FRZB: variants seen among roughly 807,000 people sequenced by gnomAD.
The protein encoded by FRZB is secreted frizzled-related protein 3.
FRZB carries 34 observed loss-of-function variants against 32.5 expected under a neutral mutation model. That is an observed-to-expected ratio of 1.05 (90% CI 0.80 to 1.39). FRZB has a LOEUF of 1.39. FRZB is among the 40% of genes most tolerant of loss of function. FRZB has a pLI of 0.00. For missense variants in FRZB, 423 were observed against 424.8 expected, an observed-to-expected ratio of 1.00 and a Z score of 0.04; for synonymous variants, 170 against 159.2, an observed-to-expected ratio of 1.07 and a Z score of -0.51.
In FRZB at chr2:182,834,838, T is replaced by C. The variant is rs1035315656; in HGVS notation, c.*11A>G. The C allele has an allele frequency of 1.9e-6, 3 of 1,596,698 alleles. No homozygotes were observed. Among genetic ancestry groups the C allele is most frequent in the Non-Finnish European group, 1.7e-6 (2 of 1,164,566 alleles). The stretch of plus-strand genomic sequence containing the variant: ...AGGAAGTCCACTGTGTTACTTTTTG[T>C]ATTTCGGGATTTAGTTGCGTGCTTG... On this transcript the variant is annotated 3_prime_UTR_variant, in exon 6 of 6. Transcript: ENST00000295113.
At chr2:182,839,115 G>C (rs1695559507) in intron 3 of FRZB, among the ~76,000 whole-genome samples, 1 of 152,028 alleles carries the variant, frequency 6.6e-6, no homozygotes, top group Non-Finnish European at 1.5e-5. Context: ...GTGGGCCTCT[G>C]TAATGTTATA....
intron 2 of FRZB, among the ~76,000 whole-genome samples, chr2:182,849,429 A>AT (rs573899755): frequency 3.3e-5 from 5 of 152,048 alleles, no homozygotes; most frequent in African/African-American, 9.7e-5. Flanking sequence ...CATTTCTTTC[A>AT]TTTTTTTATA....
intron 2 of FRZB, among the ~76,000 whole-genome samples, chr2:182,844,485 C>T (rs1213115326): frequency 6.6e-6 from 1 of 152,106 alleles, no homozygotes; most frequent in African/African-American, 2.4e-5. Context: ...AAATTATCCT[C>T]ATCCATATAT....
At chr2:182,844,386 C>A (rs1695617604) in intron 2 of FRZB, among the ~76,000 whole-genome samples, 1 of 152,060 alleles carries the variant, frequency 6.6e-6, no homozygotes, top group Non-Finnish European at 1.5e-5. Context: ...GTATTTTATT[C>A]TGTATTAAAA....
At chr2:182,846,726 T>C (rs1695644694) in intron 2 of FRZB, among the ~76,000 whole-genome samples, 1 of 152,214 alleles carries the variant, frequency 6.6e-6, no homozygotes, top group South Asian at 2.1e-4. Context: ...AATAAAATTT[T>C]ATAATTTGAA....
At chr2:182,841,552 CAT>C (rs1311800445) in intron 3 of FRZB, among the ~76,000 whole-genome samples, 1 of 152,080 alleles carries the variant, frequency 6.6e-6, no homozygotes, top group African/African-American at 2.4e-5. Flanking sequence ...GAGATAGTAA[CAT>C]ACCTTTTATT....
intron 1 of FRZB, among the ~76,000 whole-genome samples, chr2:182,863,564 C>G (rs1295392893): frequency 6.6e-6 from 1 of 152,146 alleles, no homozygotes; most frequent in Admixed American, 6.5e-5. Flanking sequence ...TGAAAATCCT[C>G]TTGGCATCAG....
chr2:182,860,990 G>A (rs529960442), intron 1 of FRZB, among the ~76,000 whole-genome samples: 3 of 152,104 alleles, frequency 2.0e-5, no homozygotes, highest in East Asian at 1.9e-4. Context: ...ATGAGTTCAC[G>A]CTGGGGCATG....
At chr2:182,853,440 C>T (rs374353493) in intron 2 of FRZB, among the ~76,000 whole-genome samples, 12 of 152,156 alleles carry the variant, frequency 7.9e-5, no homozygotes, top group African/African-American at 2.7e-4. Context: ...CTTTTCAGTT[C>T]GGGTTGAGAA....
chr2:182,837,338 T>C (rs1199525921), intron 5 of FRZB, among the ~76,000 whole-genome samples: 1 of 152,072 alleles, frequency 6.6e-6, no homozygotes, highest in Non-Finnish European at 1.5e-5. Flanking sequence ...AGCTACACTT[T>C]GTACATAGGA....
chr2:182,850,007 G>T (rs1286867076), intron 2 of FRZB, among the ~76,000 whole-genome samples: 3 of 152,324 alleles, frequency 2.0e-5, no homozygotes, highest in Middle Eastern at 3.4e-3. Context: ...GTATTGAAAA[G>T]AGGTGAAAGG....
At position 182,838,026 on chromosome 2, in the gene FRZB, G is replaced by A. The variant is rs764205668; in HGVS notation, c.798-15C>T. 1.2e-6 allele frequency: 2 copies of A among 1,605,192 alleles called. No homozygotes were observed. The highest frequency in any genetic ancestry group is 2.7e-5 in the African/African-American group (2 of 74,292). ...CCAAGAGTAATCTGTATTTTTGAAA[G>A]AAGCAAACATTTTTGAAAAATTAAA... On this transcript the variant is annotated splice_polypyrimidine_tract_variant and intron_variant, in intron 4 of 5. Coordinates refer to ENST00000295113, the MANE Select transcript of FRZB (RefSeq NM_001463.4).
rs1227277886 is a variant in FRZB, at chr2:182,836,273, TG to T, written c.862-1309del. Reference sequence around the variant, plus strand: ...AAACTCAGCTAAGAGCAAATCTGATTGAAAAAATAACATCCTCCATAAAACT... The same window carrying T: ...AAACTCAGCTAAGAGCAAATCTGATTAAAAAATAACATCCTCCATAAAACT... On this transcript the variant is annotated intron_variant, in intron 5 of 5. Transcript: ENST00000295113. Among the ~76,000 whole-genome samples the T allele has an allele frequency of 2.6e-5, 4 of 152,088 alleles. No homozygotes were observed. In the East Asian group the frequency reaches 7.7e-4, roughly 29 times the overall value.
intron 2 of FRZB, among the ~76,000 whole-genome samples, chr2:182,853,446 G>C (rs1235444140): frequency 2.0e-5 from 3 of 152,106 alleles, no homozygotes; most frequent in African/African-American, 7.2e-5. Flanking sequence ...AGTTCGGGTT[G>C]AGAAAACATA....
chr2:182,834,977 A>C lies in FRZB; in HGVS notation c.862-12T>G. The stretch of plus-strand genomic sequence containing the variant: ...TTCATATCCCAGCGCTGTGAAATTT[A>C]AAATAGAAAATAGTCACAAGCACAT... On this transcript the variant is annotated splice_polypyrimidine_tract_variant and intron_variant, in intron 5 of 5. Transcript: ENST00000295113. 3 of 1,552,062 alleles carry C rather than the reference A, an allele frequency of 1.9e-6. No homozygotes were observed. In the South Asian group the frequency reaches 3.3e-5, roughly 17 times the overall value.
At position 182,858,843 on chromosome 2, in the gene FRZB, G is replaced by A; in HGVS notation, c.479-10C>T. 6.2e-7 allele frequency: 1 copy of A among 1,605,338 alleles called. No individual in the cohort carries two copies. The highest frequency in any genetic ancestry group is 8.5e-7 in the Non-Finnish European group (1 of 1,173,762). On this transcript the variant is annotated splice_polypyrimidine_tract_variant and intron_variant, in intron 1 of 5. Coordinates refer to ENST00000295113, the MANE Select transcript of FRZB (RefSeq NM_001463.4). ...GAATCCATAGGAAAATCTGAAAGGA[G>A]GTGACAGAAAAAAGAACTATAACAT...
intron 2 of FRZB, among the ~76,000 whole-genome samples, chr2:182,848,764 A>G (rs1023285251): frequency 1.3e-5 from 2 of 152,156 alleles, no homozygotes; most frequent in Non-Finnish European, 2.9e-5. Flanking sequence ...GATGCACAGA[A>G]CTCAAAGTCT....
chr2:182,835,845 A>T (rs545276826), intron 5 of FRZB, among the ~76,000 whole-genome samples: 1 of 152,110 alleles, frequency 6.6e-6, no homozygotes, highest in Non-Finnish European at 1.5e-5. Context: ...AGCAAGCACC[A>T]TCAGATCCTT....
intron 3 of FRZB, among the ~76,000 whole-genome samples, chr2:182,840,107 T>A (rs1695571397): frequency 6.6e-6 from 1 of 152,148 alleles, no homozygotes; most frequent in South Asian, 2.1e-4. Flanking sequence ...TATGAGAACG[T>A]GTAGCAAACA....
Sources: allele counts gnomAD v4.1 joint callset (sites outside exome capture counted in the v4.1 genomes callset), GRCh38; gene constraint gnomAD v4.1.1; transcripts MANE v1.5; gene names NCBI Gene and HGNC (gene_info 2026-07-23, HGNC 2026-07-21).